CELF4: variants seen among roughly 807,000 people sequenced by gnomAD.
CELF4 encodes the protein CUGBP Elav-like family member 4, also known as CUG-BP- and ETR-3-like factor 4.
A neutral mutation model predicts 59.9 loss-of-function variants in CELF4; 18 were observed. The observed-to-expected ratio is 0.30, with a 90% confidence interval of 0.21 to 0.45. CELF4 has a LOEUF of 0.45. CELF4 is among the 20% of genes least tolerant of loss of function. The pLI, the probability that CELF4 is intolerant of heterozygous loss-of-function variation, is 1.00. For missense variants in CELF4, 456 were observed against 689.0 expected (o/e 0.66, Z 3.79); for synonymous variants, 261 against 267.1 (o/e 0.98, Z 0.22).
chr18:37,505,621 A>C (rs1008720025), intron 1 of CELF4, among the ~76,000 whole-genome samples: 2 of 152,142 alleles, frequency 1.3e-5, no homozygotes, highest in African/African-American at 4.8e-5. Context: ...AGAGGACCTC[A>C]GTGGCTGGCA....
chr18:37,450,990 C>A (rs78271015), intron 2 of CELF4, among the ~76,000 whole-genome samples: 1 of 152,132 alleles, frequency 6.6e-6, no homozygotes, highest in African/African-American at 2.4e-5. Flanking sequence ...TGGCTGTGGG[C>A]GCCTTTGTCA....
chr18:37,273,667 G>T (rs772756859), intron 6 of CELF4: 1 of 987,998 alleles, frequency 1.0e-6, no homozygotes, highest in Non-Finnish European at 1.2e-6. Flanking sequence ...GCTGCGGAAT[G>T]TGGCCAAGGC....
intron 2 of CELF4, among the ~76,000 whole-genome samples, chr18:37,461,788 G>T (rs1244051693): frequency 1.3e-5 from 2 of 152,216 alleles, no homozygotes; most frequent in Non-Finnish European, 2.9e-5. Context: ...CCCTGCAAAG[G>T]ACCGTATTGT....
chr18:37,460,304 G>A (rs1425470277), intron 2 of CELF4, among the ~76,000 whole-genome samples: 1 of 152,174 alleles, frequency 6.6e-6, no homozygotes, highest in Non-Finnish European at 1.5e-5. Context: ...ATGGAACACG[G>A]TCCTCTCTGT....
chr18:37,537,859 C>T (rs1468135295), intron 1 of CELF4, among the ~76,000 whole-genome samples: 1 of 152,242 alleles, frequency 6.6e-6, no homozygotes, highest in African/African-American at 2.4e-5. Context: ...CCAGGCCTGC[C>T]TCCTTGGAGC....
At chr18:37,320,015 C>T (rs2097040151) in intron 3 of CELF4, among the ~76,000 whole-genome samples, 1 of 152,206 alleles carries the variant, frequency 6.6e-6, no homozygotes, top group Non-Finnish European at 1.5e-5. Flanking sequence ...GGAGGCTGTA[C>T]CTAATGTCAC....
rs2060976654 is a variant in CELF4, at chr18:37,243,485, T to TA, written c.*1756dup. The TA allele has an allele frequency of 6.6e-6, 1 of 152,216 alleles. No individual in the cohort carries two copies. Among genetic ancestry groups the TA allele is most frequent in the Non-Finnish European group, 1.5e-5 (1 of 68,040 alleles). The allele number at this position is 152,216 out of a possible 1,614,324, so 9.4% of individuals were successfully genotyped here. ...ACTTTAAAATATATGTGTTCTTAAATAATTCAGTGTTTTTTCTGATTCTGA... is the reference window on the plus strand; with the variant it reads ...ACTTTAAAATATATGTGTTCTTAAATAAATTCAGTGTTTTTTCTGATTCTGA... On this transcript the variant is annotated 3_prime_UTR_variant, in exon 13 of 13. Coordinates refer to ENST00000420428, the MANE Select transcript of CELF4 (RefSeq NM_020180.4).
At position 37,253,629 on chromosome 18, in the gene CELF4, G is replaced by T; in HGVS notation, c.*44+138C>A. 1.7e-6 allele frequency: 1 copy of T among 593,476 alleles called. No homozygotes were observed. Among genetic ancestry groups the T allele is most frequent in the African/African-American group, 2.0e-5 (1 of 50,782 alleles). The allele number at this position is 593,476 out of a possible 1,614,324, so 36.8% of individuals were successfully genotyped here. A position where few individuals can be genotyped will look rare whatever the true frequency, so the allele number is the denominator to read the frequency against. ...AGCTCTGCGCCTGGCCCGAGGAGCA[G>T]GGCGAGGAGCAGGTTGAGCCGGGCG... On this transcript the variant is annotated intron_variant, in intron 12 of 12. Transcript: ENST00000420428. The surrounding 1 kb of genome is among the most constrained non-coding windows in gnomAD (Gnocchi z 4.5).
At chr18:37,438,111 C>T (rs992663313) in intron 2 of CELF4, among the ~76,000 whole-genome samples, 1 of 152,190 alleles carries the variant, frequency 6.6e-6, no homozygotes, top group African/African-American at 2.4e-5. Context: ...GACTTCCCAG[C>T]CCCCAGAACT....
chr18:37,477,756 G>A (rs1050775846), intron 2 of CELF4, among the ~76,000 whole-genome samples: 2 of 152,160 alleles, frequency 1.3e-5, no homozygotes, highest in Admixed American at 6.5e-5. Context: ...GCAACAGGCC[G>A]TGTCTTACTT....
chr18:37,271,453 G>T (rs528899086), intron 7 of CELF4, among the ~76,000 whole-genome samples: 41 of 152,000 alleles, frequency 2.7e-4, no homozygotes, highest in African/African-American at 9.2e-4. Flanking sequence ...TTGGGGTTTC[G>T]CCATGTTGGC....
intron 3 of CELF4, among the ~76,000 whole-genome samples, chr18:37,314,941 C>T (rs2096813454): frequency 6.6e-6 from 1 of 152,284 alleles, no homozygotes; most frequent in Admixed American, 6.5e-5. Context: ...CCTCACTTGC[C>T]ACAGCCAGAA....
At chr18:37,362,214 C>A (rs571715849) in intron 2 of CELF4, among the ~76,000 whole-genome samples, 11 of 152,274 alleles carry the variant, frequency 7.2e-5, no homozygotes, top group African/African-American at 2.6e-4. Flanking sequence ...AGCCCAGGTG[C>A]CCTAACCAGT....
intron 2 of CELF4, among the ~76,000 whole-genome samples, chr18:37,352,987 C>A: frequency 6.6e-6 from 1 of 151,992 alleles, no homozygotes; most frequent in Non-Finnish European, 1.5e-5. Flanking sequence ...TTTGGGAGGC[C>A]AAGGTGGGCA....
chr18:37,476,267 C>T (rs530521615), intron 2 of CELF4, among the ~76,000 whole-genome samples: 8 of 152,320 alleles, frequency 5.3e-5, no homozygotes, highest in South Asian at 2.1e-4. Flanking sequence ...AGGGTGGAGC[C>T]GAGTGTTCGG....
At chr18:37,369,117 C>G (rs2098826291) in intron 2 of CELF4, among the ~76,000 whole-genome samples, 1 of 152,222 alleles carries the variant, frequency 6.6e-6, no homozygotes, top group South Asian at 2.1e-4. Context: ...CCTCCTGCCC[C>G]CAGGCCCTCC....
At chr18:37,341,672 C>T (rs2154548429) in intron 2 of CELF4, among the ~76,000 whole-genome samples, 1 of 152,298 alleles carries the variant, frequency 6.6e-6, no homozygotes, top group Middle Eastern at 3.4e-3. Context: ...CTATGGGCTG[C>T]TGTCCAGCAT....
chr18:37,420,533 T>G (rs2099571671), intron 2 of CELF4, among the ~76,000 whole-genome samples: 1 of 152,152 alleles, frequency 6.6e-6, no homozygotes, highest in African/African-American at 2.4e-5. Flanking sequence ...GGACCCGTGC[T>G]GGGAGCACTG....
At chr18:37,293,871 C>T (rs1321470224) in intron 3 of CELF4, among the ~76,000 whole-genome samples, 1 of 150,504 alleles carries the variant, frequency 6.6e-6, no homozygotes, top group Non-Finnish European at 1.5e-5. Flanking sequence ...AAGAGCCTGG[C>T]ACCCCAAAGT....
Sources: allele counts gnomAD v4.1 joint callset (sites outside exome capture counted in the v4.1 genomes callset), GRCh38; gene constraint gnomAD v4.1.1; non-coding constraint Gnocchi (gnomAD v3.1); transcripts MANE v1.5; gene names NCBI Gene and HGNC (gene_info 2026-07-23, HGNC 2026-07-21).